The following PKHD1 variants were observed in gnomAD, a reference collection of about 807,000 sequenced individuals.
PKHD1 encodes PKHD1 ciliary IPT domain containing fibrocystin/polyductin.
In PKHD1, 291 loss-of-function variants were observed where a neutral mutation model predicts 412.0. The ratio of observed to expected loss-of-function variants is 0.71; its 90% CI spans 0.64 to 0.78. PKHD1 has a LOEUF of 0.78. PKHD1 is among the 30% of genes least tolerant of loss of function. The pLI is 0.00. For missense variants in PKHD1, 4,825 were observed against 4,950.7 expected (o/e 0.97, Z 0.76); for synonymous variants, 1,777 against 1,821.5 (o/e 0.98, Z 0.62).
At chr6:51,746,520 G>C (rs908289533) in intron 59 of PKHD1, among the ~76,000 whole-genome samples, 28 of 152,142 alleles carry the variant, frequency 1.8e-4, no homozygotes, top group African/African-American at 6.5e-4. Context: ...TCTTTAGTGA[G>C]AGATATTTTA....
intron 4 of PKHD1, among the ~76,000 whole-genome samples, chr6:52,080,879 C>T (rs1811932651): frequency 6.6e-6 from 1 of 152,040 alleles, no homozygotes; most frequent in South Asian, 2.1e-4. Context: ...ATTAATTTCA[C>T]TTGTTTCTTT....
intron 36 of PKHD1, among the ~76,000 whole-genome samples, chr6:51,937,738 T>G (rs1787749592): frequency 6.6e-6 from 1 of 152,180 alleles, no homozygotes; most frequent in Non-Finnish European, 1.5e-5. Context: ...ATGGGCATGG[T>G]AAGAATTTCA....
chr6:51,802,791 C>G lies in PKHD1; in HGVS notation c.8303-11418G>C, dbSNP rs545006570. 4.6e-5 allele frequency among the ~76,000 whole-genome samples: 7 copies of G among 151,228 alleles called. No individual in the cohort carries two copies. The East Asian group carries it at 1.2e-3, about 25-fold the overall frequency. ...GGTCTTTTTTGAAAATAAATCTTCT[C>G]TTTTTGTCTCTGCTTGACACTAGAC... On this transcript the variant is annotated intron_variant, in intron 52 of 66. Coordinates refer to ENST00000371117, the MANE Select transcript of PKHD1 (RefSeq NM_138694.4).
chr6:51,860,221 T>C (rs188142877), intron 48 of PKHD1, among the ~76,000 whole-genome samples: 1 of 152,268 alleles, frequency 6.6e-6, no homozygotes, highest in African/African-American at 2.4e-5. Flanking sequence ...CTTTCCACTC[T>C]GAAAAGCAAC....
At position 52,010,705 on chromosome 6, in the gene PKHD1, C is replaced by T. The variant is rs570261565; in HGVS notation, c.5601-246G>A. On this transcript the variant is annotated intron_variant, in intron 34 of 66. Coordinates refer to ENST00000371117, the MANE Select transcript of PKHD1 (RefSeq NM_138694.4). ...CTTTCACTGAGGCCTTTCTCTTTTC[C>T]GAATCTATTAAAAACATTAGCAAAA... is the stretch of plus-strand genomic sequence containing the variant. 1.4e-3 allele frequency among the ~76,000 whole-genome samples: 215 copies of T among 152,144 alleles called. 1 individual carries two copies. The highest frequency in any genetic ancestry group is 4.7e-3 in the African/African-American group (197 of 41,504).
At chr6:52,086,301 G>C (rs969551741) in intron 1 of PKHD1, among the ~76,000 whole-genome samples, 3 of 151,722 alleles carry the variant, frequency 2.0e-5, no homozygotes, top group African/African-American at 7.3e-5. Flanking sequence ...TGTAGAGACA[G>C]GTTTTCACCA....
chr6:51,793,460 T>G (rs991243544), intron 52 of PKHD1, among the ~76,000 whole-genome samples: 1 of 152,190 alleles, frequency 6.6e-6, no homozygotes, highest in African/African-American at 2.4e-5. Flanking sequence ...ATCCCATCAC[T>G]AAGGTATTAA....
chr6:51,900,364 C>T (rs1381028365), intron 43 of PKHD1, among the ~76,000 whole-genome samples: 2 of 152,186 alleles, frequency 1.3e-5, no homozygotes, highest in Non-Finnish European at 1.5e-5. Context: ...AGAAATAACG[C>T]TGCATATCTA....
intron 60 of PKHD1, among the ~76,000 whole-genome samples, chr6:51,684,194 T>G (rs569229008): frequency 6.6e-6 from 1 of 152,246 alleles, no homozygotes; most frequent in Non-Finnish European, 1.5e-5. Flanking sequence ...GTAGCTGTAC[T>G]TGAAGGACTG....
chr6:51,982,645 C>A (rs1247480453), intron 35 of PKHD1, among the ~76,000 whole-genome samples: 1 of 148,080 alleles, frequency 6.8e-6, no homozygotes, highest in African/African-American at 2.5e-5. Flanking sequence ...ACTCCCTAAT[C>A]TTAAGTACCC....
chr6:51,672,565 A>G (rs1775179466), intron 60 of PKHD1, among the ~76,000 whole-genome samples: 2 of 152,192 alleles, frequency 1.3e-5, no homozygotes, highest in Admixed American at 6.5e-5. Context: ...GTTGTGGAGA[A>G]TGTATGAGTA....
chr6:51,680,976 T>C (rs546370360), intron 60 of PKHD1, among the ~76,000 whole-genome samples: 55 of 152,144 alleles, frequency 3.6e-4, no homozygotes, highest in South Asian at 3.1e-3. Flanking sequence ...TGGTTGTGAA[T>C]TGGGGTTAAG....
intron 30 of PKHD1, 61 bp from the exon 31 acceptor site, chr6:52,027,957 C>T (rs910246986): frequency 2.3e-6 from 3 of 1,326,904 alleles, no homozygotes; most frequent in Non-Finnish European, 3.3e-6. Flanking sequence ...AAAGAGTAAG[C>T]CAGAAGAGCC....
At chr6:52,083,308 A>G in intron 2 of PKHD1, 53 bp from the exon 3 acceptor site, 2 of 1,090,418 alleles carry the variant, frequency 1.8e-6, no homozygotes, top group Non-Finnish European at 2.8e-6. Context: ...TCAAACCACT[A>G]CCTTCTGCAA....
chr6:51,772,946 A>G (rs937081663), intron 54 of PKHD1, among the ~76,000 whole-genome samples, 157 bp from the exon 55 acceptor site: 2 of 152,042 alleles, frequency 1.3e-5, no homozygotes, highest in Admixed American at 6.6e-5. Flanking sequence ...TAAATGCTCT[A>G]TTTTACAATA....
chr6:51,931,822 G>A (rs1369024676), intron 37 of PKHD1, among the ~76,000 whole-genome samples: 1 of 151,290 alleles, frequency 6.6e-6, no homozygotes, highest in Non-Finnish European at 1.5e-5. Flanking sequence ...AGGAAAAGGG[G>A]GAGAGAGAGA....
At position 51,649,102 on chromosome 6, in the gene PKHD1, C is replaced by T. The variant is rs142924384; in HGVS notation, c.11293G>A (p.Val3765Ile). 63 of 1,613,622 alleles carry T rather than the reference C, an allele frequency of 3.9e-5. No individual in the cohort carries two copies. The highest frequency in any genetic ancestry group is 5.0e-5 in the Non-Finnish European group (59 of 1,179,764). ...GNELPVQPQL[V>I]FLDEQNRRVE... The stretch of plus-strand genomic sequence containing the variant: ...AAAGTTACCTGCTCATCCAAAAATA[C>T]CAATTGTGGCTGCACTGGAAGCTCA... The change falls in exon 62 of 67, where the codon GTA (valine) becomes ATA (isoleucine). Residue 3765 changes from valine (V) to isoleucine (I), a missense_variant. By Grantham distance (29) the Val-to-Ile change is conservative (BLOSUM62 3). Transcript: ENST00000371117.
rs1382692124 is a variant in PKHD1 at position 52,062,585 on chromosome 6, C to A, written c.1052G>T (p.Arg351Met). ...ACTGGCATTAGGGACAATCTGCCAC[C>A]TGTACCCTGGGGTGGCTTCAGTCAG... Reference protein sequence around the residue: ...LELTEATPGYRWQIVPNASSP... With the variant: ...LELTEATPGYMWQIVPNASSP... The change falls in exon 14 of 67, where the codon AGG becomes ATG. Residue 351 changes from arginine to methionine, a missense_variant. By Grantham distance (91) the Arg-to-Met change is moderately conservative. Coordinates refer to ENST00000371117, the MANE Select transcript of PKHD1 (RefSeq NM_138694.4). 6.2e-7 allele frequency: 1 copy of A among 1,614,024 alleles called. No homozygotes were observed. Among genetic ancestry groups the A allele is most frequent in the Non-Finnish European group, 8.5e-7 (1 of 1,179,982 alleles).
At chr6:51,854,029 G>A (rs1463072555) in intron 49 of PKHD1, among the ~76,000 whole-genome samples, 4 of 152,022 alleles carry the variant, frequency 2.6e-5, no homozygotes, top group Non-Finnish European at 4.4e-5. Context: ...GCATTTTCTC[G>A]TTGATTCTTT....
Sources: allele counts gnomAD v4.1 joint callset (sites outside exome capture counted in the v4.1 genomes callset), GRCh38; gene constraint gnomAD v4.1.1; transcripts MANE v1.5; gene names NCBI Gene and HGNC (gene_info 2026-07-23, HGNC 2026-07-21).